Variants in ERCC6 observed in about 807,000 individuals in gnomAD.
ERCC6 encodes the protein DNA excision repair protein ERCC-6.
ERCC6 carries 116 observed loss-of-function variants against 158.7 expected under a neutral mutation model. That is an observed-to-expected ratio of 0.73 (90% CI 0.63 to 0.85). The LOEUF is 0.85. Ranked by LOEUF, ERCC6 falls within the 40% of genes least tolerant of loss-of-function variation. The probability of loss-of-function intolerance (pLI) is 0.00; values close to 1 mark genes in which losing one functional copy is unlikely to be tolerated. For missense variants in ERCC6, 1,698 were observed against 1,799.4 expected (o/e 0.94, Z 1.02); for synonymous variants, 678 against 659.3 (o/e 1.03, Z -0.43).
chr10:49,455,257 A>T lies in ERCC6; in HGVS notation c.*3558T>A, dbSNP rs1850466652. The T allele has an allele frequency of 6.6e-6, 1 of 152,194 alleles. No individual in the cohort carries two copies. The highest frequency in any genetic ancestry group is 1.5e-5 in the Non-Finnish European group (1 of 68,030). The allele number at this position is 152,194 out of a possible 1,614,324, so 9.4% of individuals were successfully genotyped here. On this transcript the variant is annotated 3_prime_UTR_variant, in exon 21 of 21. Transcript: ENST00000355832. ...TTATTAAAATTTCATCCAAGAATAT[A>T]AAAGACTTTAATAAAATGAGGCCTA... is the stretch of plus-strand genomic sequence containing the variant.
chr10:49,450,241 A>G (rs1850405632), downstream of ERCC6, among the ~76,000 whole-genome samples: 1 of 152,194 alleles, frequency 6.6e-6, no homozygotes, highest in Non-Finnish European at 1.5e-5. Context: ...TTGTCCCAGC[A>G]CCATTTGTTG....
chr10:49,470,285 C>T lies in ERCC6; in HGVS notation c.3675G>A (p.Leu1225=), dbSNP rs753096713. ...AKFEGTRIPH[L]VKKRRYQKQD... is the part of the protein sequence containing the mutation. ...GCTTCTGGTAACGCCTTTTCTTCACCAGGTGTGGAATTCGAGTTCCTTCAA... is the reference window on the plus strand; with the variant it reads ...GCTTCTGGTAACGCCTTTTCTTCACTAGGTGTGGAATTCGAGTTCCTTCAA... The change falls in exon 18 of 21, where the codon CTG becomes CTA. Residue 1225 remains leucine, a synonymous_variant. Coordinates refer to ENST00000355832, the MANE Select transcript of ERCC6 (RefSeq NM_000124.4). The T allele has an allele frequency of 3.1e-6, 5 of 1,613,980 alleles. No homozygotes were observed. In the African/African-American group the frequency reaches 4.0e-5, roughly 13 times the overall value.
chr10:49,505,381 T>C (rs1275712387), intron 6 of ERCC6: 1 of 152,938 alleles, frequency 6.5e-6, no homozygotes, highest in Non-Finnish European at 1.5e-5. Context: ...AATGACATCC[T>C]ACATAAAATA....
At chr10:49,528,874 T>C (rs183072873) in intron 3 of ERCC6, among the ~76,000 whole-genome samples, 42 of 152,252 alleles carry the variant, frequency 2.8e-4, no homozygotes, top group Admixed American at 2.0e-3. Flanking sequence ...ACTGGGCAAA[T>C]CCCTAAACTA....
intron 8 of ERCC6, among the ~76,000 whole-genome samples, chr10:49,492,685 G>T (rs1337632714): frequency 6.6e-6 from 1 of 152,202 alleles, no homozygotes; most frequent in Non-Finnish European, 1.5e-5. Context: ...AAATTCTCAA[G>T]ATGGAAGGTT....
intron 16 of ERCC6, 78 bp from the exon 17 acceptor site, chr10:49,471,198 A>G: frequency 6.9e-7 from 1 of 1,446,030 alleles, no homozygotes; most frequent in African/African-American, 1.4e-5. Flanking sequence ...GCAATATAAG[A>G]GAGAGATGAT....
intron 5 of ERCC6, among the ~76,000 whole-genome samples, chr10:49,512,718 A>T (rs1013018136): frequency 1.3e-5 from 2 of 152,250 alleles, no homozygotes; most frequent in Non-Finnish European, 2.9e-5. Flanking sequence ...AAGACTAAAT[A>T]CGAATTCATT....
chr10:49,465,780 G>C (rs1487997707), intron 18 of ERCC6, among the ~76,000 whole-genome samples: 5 of 152,206 alleles, frequency 3.3e-5, no homozygotes, highest in Non-Finnish European at 7.3e-5. Context: ...CTCCTTGCAT[G>C]ATTGTAAAGC....
Position 49,483,373 on chromosome 10 carries a change from A to C in ERCC6, c.1965T>G (p.Asn655Lys), listed in dbSNP as rs1467736623. The C allele has an allele frequency of 6.2e-7, 1 of 1,614,162 alleles. No individual in the cohort carries two copies. The highest frequency in any genetic ancestry group is 1.7e-5 in the Admixed American group (1 of 60,032). Residue 655 changes from asparagine (N) to lysine (K), a missense_variant, in exon 9 of 21, where the codon AAT becomes AAG. Physicochemically the swap from Asn to Lys is moderately conservative, Grantham distance 94. Coordinates refer to ENST00000355832, the MANE Select transcript of ERCC6 (RefSeq NM_000124.4). ...LDEGHKIRNP[N>K]AAVTLACKQF... ...GTTTGCAAGCAAGGGTGACAGCAGCATTTGGATTTCGAATTTTGTGTCCTT... is the reference window on the plus strand; with the variant it reads ...GTTTGCAAGCAAGGGTGACAGCAGCCTTTGGATTTCGAATTTTGTGTCCTT...
rs3750750 is a variant in ERCC6 at position 49,476,161 on chromosome 10, C to T, written c.2382+54G>A. The T allele has an allele frequency of 5.3e-3, 6,688 of 1,252,890 alleles. 91 individuals are homozygous for T. In the East Asian group the frequency reaches 0.054, roughly 10 times the overall value. The allele number at this position is 1,252,890 out of a possible 1,614,324, so 77.6% of individuals were successfully genotyped here. On this transcript the variant is annotated intron_variant, in intron 12 of 20. Coordinates refer to ENST00000355832, the MANE Select transcript of ERCC6 (RefSeq NM_000124.4). ...ATGTAGATCCTAGTTTCTTTTCCTC[C>T]CTCACTTCTCTTGGTCCACAATTCA... is the stretch of plus-strand genomic sequence containing the variant.
chr10:49,516,582 G>A (rs549626417), intron 5 of ERCC6: 2 of 1,613,970 alleles, frequency 1.2e-6, no homozygotes, highest in East Asian at 2.2e-5. Context: ...TTTGAATTCA[G>A]AGCTAGTCAA....
At chr10:49,533,738 G>C (rs1400259623) in intron 1 of ERCC6, among the ~76,000 whole-genome samples, 1 of 152,214 alleles carries the variant, frequency 6.6e-6, no homozygotes, top group African/African-American at 2.4e-5. Flanking sequence ...GGGAGATGGA[G>C]GCTGCAGTGA....
At chr10:49,519,261 C>A (rs560946426) in intron 5 of ERCC6, among the ~76,000 whole-genome samples, 3 of 152,194 alleles carry the variant, frequency 2.0e-5, no homozygotes, top group Non-Finnish European at 4.4e-5. Flanking sequence ...AGGGCCCAGC[C>A]GACTTCAAAT....
Position 49,459,053 on chromosome 10 carries a change from G to C in ERCC6, c.4244C>G (p.Ala1415Gly), listed in dbSNP as rs1850529668. Residue 1415 changes from alanine to glycine, a missense_variant, in exon 21 of 21, where the codon GCT becomes GGT. Physicochemically the swap from Ala to Gly is moderately conservative, Grantham distance 60. Coordinates refer to ENST00000355832, the MANE Select transcript of ERCC6 (RefSeq NM_000124.4). ...LESESGHLQE[A>G]SALLPTTEHD... is the part of the protein sequence containing the mutation. ...TTCTGTGGTGGGCAGCAGGGCAGAA[G>C]CTTCCTGCAGGTGCCCGCTTTCACT... 2 of 1,614,200 alleles carry C rather than the reference G, an allele frequency of 1.2e-6. No homozygotes were observed. Among genetic ancestry groups the C allele is most frequent in the Non-Finnish European group, 1.7e-6 (2 of 1,180,034 alleles).
chr10:49,498,902 G>C (rs1325247433), intron 7 of ERCC6, among the ~76,000 whole-genome samples: 1 of 152,136 alleles, frequency 6.6e-6, no homozygotes, highest in Non-Finnish European at 1.5e-5. Context: ...AACCATTTAA[G>C]GAAAGAAAGA....
chr10:49,531,255 A>C (rs1197561821), intron 2 of ERCC6, among the ~76,000 whole-genome samples: 1 of 152,152 alleles, frequency 6.6e-6, no homozygotes, highest in Non-Finnish European at 1.5e-5. Context: ...ATGCTTAAAC[A>C]TTTTTTTATA....
At chr10:49,469,673 T>G (rs1850737465) in intron 18 of ERCC6, among the ~76,000 whole-genome samples, 1 of 152,232 alleles carries the variant, frequency 6.6e-6, no homozygotes, top group Admixed American at 6.5e-5. Flanking sequence ...ACACAGTGAC[T>G]GCTAAGGGAT....
chr10:49,439,298 T>C, the ERCC6 span, among the ~76,000 whole-genome samples: 5 of 152,260 alleles, frequency 3.3e-5, no homozygotes, highest in East Asian at 9.6e-4. Flanking sequence ...TCAATTCTTG[T>C]CTTCTGTGCA....
chr10:49,530,044 G>A (rs1211564983), intron 3 of ERCC6, among the ~76,000 whole-genome samples: 4 of 152,080 alleles, frequency 2.6e-5, no homozygotes, highest in Non-Finnish European at 5.9e-5. Context: ...AAAGGTGTGT[G>A]AGGGTCAATG....
Sources: allele counts gnomAD v4.1 joint callset (sites outside exome capture counted in the v4.1 genomes callset), GRCh38; gene constraint gnomAD v4.1.1; transcripts MANE v1.5; gene names NCBI Gene and HGNC (gene_info 2026-07-23, HGNC 2026-07-21).